Variants in HIBCH observed in about 807,000 individuals in gnomAD.
HIBCH encodes the protein 3-hydroxyisobutyryl-CoA hydrolase.
Under a neutral mutation model 58.2 loss-of-function variants are expected in HIBCH, and 50 were observed. The observed-to-expected ratio is 0.86, with a 90% confidence interval of 0.68 to 1.09. The LOEUF (loss-of-function observed/expected upper bound fraction) is 1.09. Ranked by LOEUF, HIBCH falls within the 50% of genes least tolerant of loss-of-function variation. The pLI, the probability that HIBCH is intolerant of heterozygous loss-of-function variation, is 0.00. For missense variants in HIBCH, 450 were observed against 449.7 expected, an observed-to-expected ratio of 1.00 and a Z score of -0.01; for synonymous variants, 151 against 146.9, an observed-to-expected ratio of 1.03 and a Z score of -0.20.
downstream of HIBCH, chr2:190,199,993 A>AG (rs1491544175): frequency 6.2e-7 from 1 of 1,613,992 alleles, no homozygotes; most frequent in Non-Finnish European, 8.5e-7. Flanking sequence ...AGTTAATGTC[A>AG]AAGAGGAAGT....
intron 6 of HIBCH, 117 bp from the exon 7 acceptor site, chr2:190,261,351 G>T (rs1480917920): frequency 2.7e-6 from 2 of 744,180 alleles, no homozygotes; most frequent in East Asian, 5.4e-5. Context: ...TACTCCACAG[G>T]AACTTGCTTC....
chr2:190,305,918 C>A (rs1464738003), intron 2 of HIBCH, among the ~76,000 whole-genome samples: 1 of 152,080 alleles, frequency 6.6e-6, no homozygotes, highest in East Asian at 1.9e-4. Context: ...ATGGTGAAAA[C>A]CAAAGTTGCC....
At chr2:190,275,746 C>T (rs1687531570) in intron 6 of HIBCH, among the ~76,000 whole-genome samples, 1 of 152,184 alleles carries the variant, frequency 6.6e-6, no homozygotes, top group South Asian at 2.1e-4. Context: ...AGTGGCAGAC[C>T]ATCCACATCA....
At chr2:190,303,057 CAAG>C in intron 2 of HIBCH, among the ~76,000 whole-genome samples, 1 of 152,110 alleles carries the variant, frequency 6.6e-6, no homozygotes, top group South Asian at 2.1e-4. Flanking sequence ...ACAGATAGAA[CAAG>C]AAGGGAAAGA....
chr2:190,294,652 T>TG, intron 3 of HIBCH, 22 bp from the exon 4 acceptor site: 1 of 1,493,496 alleles, frequency 6.7e-7, no homozygotes, highest in Non-Finnish European at 9.3e-7. Flanking sequence ...TAACAGAAGA[T>TG]GGTATAAGCA....
chr2:190,296,422 C>CAAA (rs367597129), intron 3 of HIBCH, among the ~76,000 whole-genome samples: 11 of 134,854 alleles, frequency 8.2e-5, no homozygotes, highest in Middle Eastern at 3.4e-3. Context: ...TCCTCCGTCT[C>CAAA]AAAAAAAAAA....
intron 2 of HIBCH, among the ~76,000 whole-genome samples, chr2:190,299,807 C>CT (rs923125956): frequency 2.3e-4 from 35 of 152,236 alleles, no homozygotes; most frequent in African/African-American, 8.2e-4. Context: ...TTCTGCTCCT[C>CT]TCCCTCCTCC....
At chr2:190,264,020 C>G (rs1687164293) in intron 6 of HIBCH, among the ~76,000 whole-genome samples, 1 of 152,184 alleles carries the variant, frequency 6.6e-6, no homozygotes, top group South Asian at 2.1e-4. Context: ...CTTGCCCAGG[C>G]TGGTGTATCT....
chr2:190,287,711 C>CA, intron 5 of HIBCH, 73 bp from the exon 6 acceptor site: 2 of 1,077,410 alleles, frequency 1.9e-6, no homozygotes, highest in South Asian at 2.7e-5. Flanking sequence ...AAAAAACCCA[C>CA]ATTATATATA....
intron 6 of HIBCH, among the ~76,000 whole-genome samples, chr2:190,276,463 G>C (rs539624148): frequency 2.0e-5 from 3 of 152,264 alleles, no homozygotes; most frequent in Non-Finnish European, 2.9e-5. Flanking sequence ...TCCAACATTA[G>C]AGTTGGGGCC....
intron 10 of HIBCH, among the ~76,000 whole-genome samples, chr2:190,245,635 A>T (rs1375357992): frequency 6.6e-6 from 1 of 152,174 alleles, no homozygotes; most frequent in African/African-American, 2.4e-5. Flanking sequence ...TAGATTACTT[A>T]AATATAATGA....
At chr2:190,307,595 G>C (rs964247515) in intron 2 of HIBCH, among the ~76,000 whole-genome samples, 5 of 152,108 alleles carry the variant, frequency 3.3e-5, no homozygotes, top group African/African-American at 1.2e-4. Flanking sequence ...CCTGAGCCTA[G>C]GAGTTCGAGG....
At position 190,216,795 on chromosome 2, in the gene HIBCH, T is replaced by C. The variant is rs1266023269; in HGVS notation, c.892-3720A>G. Among the ~76,000 whole-genome samples the C allele has an allele frequency of 6.6e-6, 1 of 152,140 alleles. No homozygotes were observed. Among genetic ancestry groups the C allele is most frequent in the Admixed American group, 6.5e-5 (1 of 15,282 alleles). ...CCAAGACGCTTTGAGGTGGGATGTT[T>C]AAAAGTTCTGTTTCCCAGAGCTTGG... On this transcript the variant is annotated intron_variant, in intron 11 of 13. Transcript: ENST00000359678. The surrounding 1 kb of genome is among the most constrained non-coding windows in gnomAD (Gnocchi z 4.2).
chr2:190,244,620 A>G (rs879108516), intron 11 of HIBCH, among the ~76,000 whole-genome samples: 2 of 152,194 alleles, frequency 1.3e-5, no homozygotes, highest in African/African-American at 4.8e-5. Flanking sequence ...TTGGAAATGA[A>G]GCATGCTTAC....
At chr2:190,303,439 CAAA>C (rs34960257) in intron 2 of HIBCH, among the ~76,000 whole-genome samples, 72 of 131,748 alleles carry the variant, frequency 5.5e-4, no homozygotes, top group East Asian at 2.0e-3. Flanking sequence ...AGGAAATGTT[CAAA>C]AAAAAAAAAA....
At chr2:190,319,632 C>G in intron 1 of HIBCH, 84 bp downstream of exon 1, 1 of 1,203,970 alleles carries the variant, frequency 8.3e-7, no homozygotes, top group Non-Finnish European at 1.2e-6. Context: ...ACTTCGAGGC[C>G]AGCAGTCTCC....
chr2:190,191,932 G>T (rs1242269126), intron 1 of HIBCH, among the ~76,000 whole-genome samples: 1 of 147,606 alleles, frequency 6.8e-6, no homozygotes, highest in Admixed American at 6.7e-5. Flanking sequence ...TTTTAACTGT[G>T]TTTTTTTTTC....
intron 7 of HIBCH, chr2:190,260,616 C>CTA (rs1687061545): frequency 2.0e-5 from 3 of 152,586 alleles, no homozygotes; most frequent in Non-Finnish European, 2.9e-5. Flanking sequence ...TAAGACTTAA[C>CTA]TATAAAGCAA....
chr2:190,242,930 A>G (rs2105931359), intron 11 of HIBCH, among the ~76,000 whole-genome samples: 2 of 152,292 alleles, frequency 1.3e-5, no homozygotes, highest in East Asian at 1.9e-4. Flanking sequence ...TGGTCGTACA[A>G]AGGGTAGTTG....
Sources: allele counts gnomAD v4.1 joint callset (sites outside exome capture counted in the v4.1 genomes callset), GRCh38; gene constraint gnomAD v4.1.1; non-coding constraint Gnocchi (gnomAD v3.1); transcripts MANE v1.5; gene names NCBI Gene and HGNC (gene_info 2026-07-23, HGNC 2026-07-21).